The following GBP7 variants were observed in gnomAD, a reference collection of about 807,000 sequenced individuals.
GBP7 encodes guanylate binding protein 7.
Under a neutral mutation model 61.3 loss-of-function variants are expected in GBP7, and 43 were observed. The ratio of observed to expected loss-of-function variants is 0.70; its 90% CI spans 0.55 to 0.91. The LOEUF (loss-of-function observed/expected upper bound fraction) is 0.91. GBP7 is among the 40% of genes least tolerant of loss of function. The pLI is 0.00. For synonymous variants in GBP7, 267 were observed against 271.0 expected (o/e 0.99, Z 0.14); for missense variants, 717 against 740.5 (o/e 0.97, Z 0.37).
At chr1:89,155,328 A>G (rs1037209975) in intron 3 of GBP7, among the ~76,000 whole-genome samples, 2 of 152,240 alleles carry the variant, frequency 1.3e-5, no homozygotes, top group Non-Finnish European at 2.9e-5. Context: ...CTCGCCAGCA[A>G]TGGAACAAAG....
At chr1:89,136,143 G>A (rs1557451038) in intron 9 of GBP7, among the ~76,000 whole-genome samples, 1 of 152,136 alleles carries the variant, frequency 6.6e-6, no homozygotes, top group Non-Finnish European at 1.5e-5. Flanking sequence ...CCCAATACTA[G>A]AGGACCCTAG....
chr1:89,145,940 T>G (rs1450690293), intron 8 of GBP7, among the ~76,000 whole-genome samples: 3 of 152,106 alleles, frequency 2.0e-5, no homozygotes, highest in Non-Finnish European at 4.4e-5. Context: ...AAAATTCCAA[T>G]GGTGTTTTTT....
At position 89,152,382 on chromosome 1, in the gene GBP7, T is replaced by C; in HGVS notation, c.511A>G (p.Ser171Gly). The C allele has an allele frequency of 1.2e-6, 2 of 1,614,096 alleles. No individual in the cohort carries two copies. Among genetic ancestry groups the C allele is most frequent in the Non-Finnish European group, 8.5e-7 (1 of 1,180,018 alleles). The change falls in exon 5 of 11, where the codon AGT becomes GGT. Residue 171 changes from serine to glycine, a missense_variant. Ser to Gly is a moderately conservative substitution (Grantham distance 56). Transcript: ENST00000294671. ...DEVEDSSEFV[S>G]FFPDFIWTVR... ...GTCCAAATAAAGTCTGGAAAGAAAC[T>C]CACAAACTCGCTGGAGTCCTCAACT...
intron 3 of GBP7, among the ~76,000 whole-genome samples, chr1:89,157,282 A>C (rs1183087633): frequency 2.6e-5 from 4 of 152,226 alleles, no homozygotes; most frequent in Non-Finnish European, 2.9e-5. Context: ...TCCTAACATC[A>C]CAATTAAAAG....
chr1:89,153,718 G>A (rs1031379932), intron 3 of GBP7, among the ~76,000 whole-genome samples: 10 of 152,208 alleles, frequency 6.6e-5, no homozygotes, highest in African/African-American at 1.4e-4. Flanking sequence ...AACAAAAGTC[G>A]TAATGTAAAA....
chr1:89,141,778 G>T, intron 8 of GBP7, 130 bp from the exon 9 acceptor site: 3 of 695,772 alleles, frequency 4.3e-6, no homozygotes, highest in Admixed American at 2.6e-5. Context: ...ATTCCACAGT[G>T]GTTTCTTTCC....
intron 8 of GBP7, among the ~76,000 whole-genome samples, chr1:89,142,386 A>G (rs10801719): frequency 0.21 from 32,315 of 152,052 alleles, 3,681 homozygotes; most frequent in East Asian, 0.38. Flanking sequence ...AGCCAGGACT[A>G]CAGATGTGTG....
At chr1:89,168,240 A>C (rs1235408657) in intron 2 of GBP7, among the ~76,000 whole-genome samples, 1 of 152,132 alleles carries the variant, frequency 6.6e-6, no homozygotes, top group Non-Finnish European at 1.5e-5. Context: ...TAAGGAGAAA[A>C]AAAAGGAAAA....
intron 8 of GBP7, 119 bp downstream of exon 8, chr1:89,147,448 T>TATTG (rs1682094566): frequency 1.4e-6 from 1 of 728,346 alleles, no homozygotes; most frequent in Non-Finnish European, 2.4e-6. Flanking sequence ...AATATCAAGG[T>TATTG]ATTGCCATGC....
rs748785939 is a variant in GBP7 at position 89,133,285 on chromosome 1, C to T, written c.1635G>A (p.Leu545=). ...ERERENYMRE[L]RKMLSHKMKV... ...TCATCTTGTGACTCAACATCTTTCT[C>T]AGTTCTCTCATATAGTTTTCCCTTT... The change falls in exon 10 of 11, where the codon CTG becomes CTA. Residue 545 remains leucine, a synonymous_variant. Coordinates refer to ENST00000294671, the MANE Select transcript of GBP7 (RefSeq NM_207398.3). The T allele has an allele frequency of 1.3e-6, 2 of 1,485,500 alleles. No individual in the cohort carries two copies. The highest frequency in any genetic ancestry group is 1.4e-5 in the African/African-American group (1 of 73,484). 92.0% of individuals were successfully genotyped at this position (1,485,500 alleles called of 1,614,324 possible). A position where few individuals can be genotyped will look rare whatever the true frequency, so the allele number is the denominator to read the frequency against.
chr1:89,168,956 C>T (rs1472617748), intron 2 of GBP7, among the ~76,000 whole-genome samples: 3 of 144,938 alleles, frequency 2.1e-5, no homozygotes, highest in Admixed American at 7.0e-5. Flanking sequence ...GCAACAAGAG[C>T]GAAACTCCGC....
chr1:89,173,891 A>G (rs1647669211), intron 1 of GBP7, among the ~76,000 whole-genome samples: 1 of 152,152 alleles, frequency 6.6e-6, no homozygotes. Flanking sequence ...GTGGTCTTCT[A>G]TTCTTTCTAC....
intron 3 of GBP7, among the ~76,000 whole-genome samples, chr1:89,155,499 G>C (rs1274468710): frequency 6.6e-6 from 1 of 152,194 alleles, no homozygotes; most frequent in Non-Finnish European, 1.5e-5. Context: ...AAACAGCATA[G>C]AGAAGACCTT....
chr1:89,167,169 T>C (rs771375067), intron 2 of GBP7, among the ~76,000 whole-genome samples: 2 of 152,058 alleles, frequency 1.3e-5, no homozygotes, highest in Admixed American at 1.3e-4. Flanking sequence ...CTTGGAATGA[T>C]CATCAGCCCC....
intron 3 of GBP7, among the ~76,000 whole-genome samples, chr1:89,157,888 G>T (rs959335256): frequency 4.6e-5 from 7 of 152,088 alleles, no homozygotes; most frequent in Admixed American, 1.3e-4. Flanking sequence ...TACCAAAGCC[G>T]GGCAGAGACA....
chr1:89,154,012 ATGT>A (rs1263670905), intron 3 of GBP7, among the ~76,000 whole-genome samples: 1 of 152,210 alleles, frequency 6.6e-6, no homozygotes, highest in Non-Finnish European at 1.5e-5. Context: ...GTGAATAGGT[ATGT>A]GGAGAAGACA....
At chr1:89,162,459 G>A (rs1208139837) in intron 3 of GBP7, among the ~76,000 whole-genome samples, 1 of 152,210 alleles carries the variant, frequency 6.6e-6, no homozygotes, top group Non-Finnish European at 1.5e-5. Context: ...TCTTGGAGCA[G>A]TGGTTTGTAG....
chr1:89,152,222 C>G (rs753306335), intron 5 of GBP7, 46 bp downstream of exon 5: 1 of 1,567,820 alleles, frequency 6.4e-7, no homozygotes, highest in Non-Finnish European at 8.7e-7. Context: ...CCTAGTTGAT[C>G]CCACCCGCTA....
chr1:89,136,879 A>G lies in GBP7; in HGVS notation c.1469-3428T>C, dbSNP rs370202504. On this transcript the variant is annotated intron_variant, in intron 9 of 10. Transcript: ENST00000294671. ...CAATGAAACCAATGGTTCTCTGGAA[A>G]AATACATAAGATGGATATACTTCTA... 3.7e-4 allele frequency among the ~76,000 whole-genome samples: 56 copies of G among 152,142 alleles called. 6 individuals are homozygous for G. The highest frequency in any genetic ancestry group is 9.2e-4 in the Admixed American group (14 of 15,280).
Sources: allele counts gnomAD v4.1 joint callset (sites outside exome capture counted in the v4.1 genomes callset), GRCh38; gene constraint gnomAD v4.1.1; transcripts MANE v1.5; gene names NCBI Gene and HGNC (gene_info 2026-07-23, HGNC 2026-07-21).